Variants in STK31 observed in about 807,000 individuals in gnomAD.
STK31 encodes the protein serine/threonine kinase 31.
In STK31, 89 loss-of-function variants were observed where a neutral mutation model predicts 129.7. That is an observed-to-expected ratio of 0.69 (90% confidence interval 0.58 to 0.82). The LOEUF is 0.82. Among genes scored for constraint, STK31 ranks in the 40% least tolerant of loss-of-function variants. STK31 has a pLI of 0.00. For synonymous variants in STK31, 448 were observed against 395.3 expected, an observed-to-expected ratio of 1.13 and a Z score of -1.58; for missense variants, 1,187 against 1,176.4, an observed-to-expected ratio of 1.01 and a Z score of -0.13.
intron 10 of STK31, among the ~76,000 whole-genome samples, chr7:23,757,233 C>A (rs1789145049): frequency 6.6e-6 from 1 of 152,068 alleles, no homozygotes; most frequent in Non-Finnish European, 1.5e-5. Flanking sequence ...CCCTGCACAC[C>A]TGTGGGCGTT....
chr7:23,720,584 A>T (rs1786634337), intron 4 of STK31, among the ~76,000 whole-genome samples: 1 of 152,202 alleles, frequency 6.6e-6, no homozygotes, highest in Non-Finnish European at 1.5e-5. Context: ...TAAAGAAAAA[A>T]TACTGAAAAT....
chr7:23,753,346 C>T (rs774820055), intron 9 of STK31, among the ~76,000 whole-genome samples: 2 of 152,102 alleles, frequency 1.3e-5, no homozygotes, highest in Non-Finnish European at 2.9e-5. Context: ...TCTGTATTGT[C>T]CCAGTATGAG....
chr7:23,716,646 C>G (rs1210510435), intron 3 of STK31, among the ~76,000 whole-genome samples: 2 of 151,998 alleles, frequency 1.3e-5, no homozygotes, highest in Non-Finnish European at 2.9e-5. Flanking sequence ...TTAATATAAA[C>G]TCAAGGATAT....
chr7:23,727,765 T>G (rs1787177892), intron 5 of STK31, among the ~76,000 whole-genome samples: 1 of 151,730 alleles, frequency 6.6e-6, no homozygotes, highest in Admixed American at 6.6e-5. Flanking sequence ...TTTCACCATG[T>G]TTGTCAGGCT....
chr7:23,762,760 C>CTGAT, intron 10 of STK31, 41 bp from the exon 11 acceptor site: 1 of 1,599,320 alleles, frequency 6.3e-7, no homozygotes, highest in Non-Finnish European at 8.5e-7. Flanking sequence ...CGGAAAAGAC[C>CTGAT]TGATGTATTA....
chr7:23,756,915 C>T (rs1333849751), intron 10 of STK31, among the ~76,000 whole-genome samples: 1 of 152,114 alleles, frequency 6.6e-6, no homozygotes, highest in Non-Finnish European at 1.5e-5. Context: ...AGGATTTTCG[C>T]ATCGATGTTC....
intron 22 of STK31, among the ~76,000 whole-genome samples, chr7:23,802,252 T>C (rs1449042610): frequency 1.3e-5 from 2 of 152,114 alleles, no homozygotes; most frequent in Non-Finnish European, 2.9e-5. Flanking sequence ...TGTTTGCTGG[T>C]TAATTTTGTC....
rs1324536147 is a variant in STK31 at position 23,786,525 on chromosome 7, T to G, written c.2292T>G (p.Val764=). 5 of 1,613,262 alleles carry G rather than the reference T, an allele frequency of 3.1e-6. No individual in the cohort carries two copies. The highest frequency in any genetic ancestry group is 4.2e-6 in the Non-Finnish European group (5 of 1,179,666). Residue 764 remains valine (V), a synonymous_variant, in exon 19 of 24, where the codon GTT becomes GTG. Coordinates refer to ENST00000355870, the MANE Select transcript of STK31 (RefSeq NM_031414.5). ...IILLKGYSVD[V]DTEAKVIERA... ...GGTACAAGGGCTATTCTGTGGATGT[T>G]GACACAGAAGCCAAGGTGATTGAGA...
At position 23,781,288 on chromosome 7, in the gene STK31, G is replaced by C; in HGVS notation, c.1966-131G>C. 3 of 593,100 alleles carry C rather than the reference G, an allele frequency of 5.1e-6. No homozygotes were observed. In the South Asian group the frequency reaches 6.7e-5, roughly 13 times the overall value. 36.7% of individuals were successfully genotyped at this position (593,100 alleles called of 1,614,324 possible). A position where few individuals can be genotyped will look rare whatever the true frequency, so the allele number is the denominator to read the frequency against. ...AAGTTAATTCAGCAAGTATTAGAAG[G>C]GTCTTTTATGTGCTAGGTACTGAAG... On this transcript the variant is annotated intron_variant, in intron 15 of 23. Coordinates refer to ENST00000355870, the MANE Select transcript of STK31 (RefSeq NM_031414.5).
chr7:23,821,538 T>C (rs1793784817), intron 23 of STK31, among the ~76,000 whole-genome samples: 1 of 152,218 alleles, frequency 6.6e-6, no homozygotes, highest in Non-Finnish European at 1.5e-5. Flanking sequence ...TTCTTGTATA[T>C]TCTGGATATT....
intron 4 of STK31, among the ~76,000 whole-genome samples, chr7:23,723,293 G>C (rs907642424): frequency 6.6e-6 from 1 of 152,120 alleles, no homozygotes; most frequent in African/African-American, 2.4e-5. Context: ...AATGGAGAAT[G>C]AGCATGCAGA....
chr7:23,727,497 A>G (rs1445900128), intron 5 of STK31, 182 bp downstream of exon 5: 2 of 549,740 alleles, frequency 3.6e-6, no homozygotes, highest in Non-Finnish European at 3.2e-6. Context: ...CAGATTATTC[A>G]AGAATAGATT....
chr7:23,781,528 T>G lies in STK31; in HGVS notation c.2067+8T>G. 1 of 1,585,784 alleles carries G rather than the reference T, an allele frequency of 6.3e-7. No individual in the cohort carries two copies. Among genetic ancestry groups the G allele is most frequent in the African/African-American group, 1.4e-5 (1 of 73,626 alleles). On this transcript the variant is annotated splice_region_variant and intron_variant, in intron 16 of 23. Coordinates refer to ENST00000355870, the MANE Select transcript of STK31 (RefSeq NM_031414.5). ...CATGAGAGAGAGGAATATGTAAGTATTTGGTTCTTTGAAGTTTTACATTAG... is the reference window on the plus strand; with the variant it reads ...CATGAGAGAGAGGAATATGTAAGTAGTTGGTTCTTTGAAGTTTTACATTAG...
Position 23,772,140 on chromosome 7 carries a change from T to C in STK31, c.1834-7T>C. 1 of 1,543,894 alleles carries C rather than the reference T, an allele frequency of 6.5e-7. No individual in the cohort carries two copies. Among genetic ancestry groups the C allele is most frequent in the East Asian group, 2.3e-5 (1 of 43,502 alleles). ...TGTTTGAAAATACGTAACTTTTGTT[T>C]ACTTAGTTTAAAAAGCAGCTTATTG... On this transcript the variant is annotated splice_polypyrimidine_tract_variant and splice_region_variant and intron_variant, in intron 14 of 23. Coordinates refer to ENST00000355870, the MANE Select transcript of STK31 (RefSeq NM_031414.5).
intron 4 of STK31, chr7:23,722,873 G>A (rs1168112169): frequency 6.6e-6 from 1 of 152,328 alleles, no homozygotes. Context: ...GTGGGCATGG[G>A]ACCCTCGGAG....
intron 15 of STK31, among the ~76,000 whole-genome samples, chr7:23,780,458 A>G (rs973825680): frequency 6.6e-6 from 1 of 152,200 alleles, no homozygotes; most frequent in South Asian, 2.1e-4. Flanking sequence ...TTTAAAAGGG[A>G]AAGGATGGAT....
chr7:23,757,331 G>A (rs1359832019), intron 10 of STK31, among the ~76,000 whole-genome samples: 2 of 152,024 alleles, frequency 1.3e-5, no homozygotes, highest in African/African-American at 4.8e-5. Flanking sequence ...AGGGACCGGC[G>A]CTCAGCATGT....
rs373611611 is a variant in STK31 at position 23,735,654 on chromosome 7, G to C, written c.600G>C (p.Gly200=). The change falls in exon 7 of 24, where the codon GGG becomes GGC. Residue 200 remains glycine (G), a synonymous_variant. Transcript: ENST00000355870. ...CTGAGTATGGCAGTGTGGATATAGG[G>C]GAAGAGGTGCTTAAGAAAGGATTTG... is the stretch of plus-strand genomic sequence containing the variant. ...AQAEYGSVDI[G]EEVLKKGFAE... is the part of the protein sequence containing the mutation. 6.2e-7 allele frequency: 1 copy of C among 1,613,924 alleles called. No individual in the cohort carries two copies. The highest frequency in any genetic ancestry group is 1.3e-5 in the African/African-American group (1 of 74,900).
At chr7:23,798,278 C>T (rs529297191) in intron 22 of STK31, among the ~76,000 whole-genome samples, 6 of 152,124 alleles carry the variant, frequency 3.9e-5, no homozygotes, top group African/African-American at 9.7e-5. Flanking sequence ...GGTACCAAAA[C>T]GTGCCAGAGA....
Sources: allele counts gnomAD v4.1 joint callset (sites outside exome capture counted in the v4.1 genomes callset), GRCh38; gene constraint gnomAD v4.1.1; transcripts MANE v1.5; gene names NCBI Gene and HGNC (gene_info 2026-07-23, HGNC 2026-07-21).